Variants in PALM2AKAP2 observed in about 807,000 individuals in gnomAD.
The protein encoded by PALM2AKAP2 is PALM2-AKAP2 fusion protein.
Under a neutral mutation model 71.5 loss-of-function variants are expected in PALM2AKAP2, and 37 were observed. That is an observed-to-expected ratio of 0.52 (90% CI 0.40 to 0.68). PALM2AKAP2 has a LOEUF of 0.68. Ranked by LOEUF, PALM2AKAP2 falls within the 30% of genes least tolerant of loss-of-function variation. PALM2AKAP2 has a pLI of 0.00. For synonymous variants in PALM2AKAP2, 468 were observed against 478.8 expected, an observed-to-expected ratio of 0.98 and a Z score of 0.29; for missense variants, 1,224 against 1,191.8, an observed-to-expected ratio of 1.03 and a Z score of -0.40.
intron 1 of PALM2AKAP2, among the ~76,000 whole-genome samples, chr9:109,672,430 C>A (rs771970716): frequency 5.9e-5 from 9 of 152,158 alleles, no homozygotes; most frequent in African/African-American, 1.4e-4. Context: ...GTTGAACCAA[C>A]CTTGCATCCT....
At chr9:109,867,469 C>A (rs752983504) in intron 1 of PALM2AKAP2, 22 bp from the exon 2 acceptor site, 1 of 1,609,648 alleles carries the variant, frequency 6.2e-7, no homozygotes, top group East Asian at 2.2e-5. Context: ...ACTCTTACAG[C>A]CTCTGTCTCT....
At chr9:109,918,977 G>A (rs1475827355) in intron 3 of PALM2AKAP2, among the ~76,000 whole-genome samples, 1 of 152,140 alleles carries the variant, frequency 6.6e-6, no homozygotes, top group African/African-American at 2.4e-5. Flanking sequence ...ATAGCGCAGA[G>A]CCTTGAAACC....
At chr9:110,044,286 G>A (rs1163003086), upstream of PALM2AKAP2, among the ~76,000 whole-genome samples, 2 of 151,386 alleles carry the variant, frequency 1.3e-5, no homozygotes, top group Non-Finnish European at 2.9e-5. Context: ...TTTAGTGTGA[G>A]CGAGTCTTTT....
At position 110,006,324 on chromosome 9, in the gene PALM2AKAP2, C is replaced by CTCTTTCTTTCTTTCTTTCTTTCTTTCTT. The variant is rs201648047; in HGVS notation, c.497-9609_497-9582dup. Among the ~76,000 whole-genome samples, 71 of 102,214 alleles carry CTCTTTCTTTCTTTCTTTCTTTCTTTCTT rather than the reference C, an allele frequency of 6.9e-4. 2 individuals carry two copies. The highest frequency in any genetic ancestry group is 1.6e-3 in the East Asian group (6 of 3,642). The allele number at this position is 102,214 out of a possible 152,430, so 67.1% of individuals were successfully genotyped here. A position where few individuals can be genotyped will look rare whatever the true frequency, so the allele number is the denominator to read the frequency against. ...TTTCCCTCCCTTTCCTTCCTTCCTTCTCTTTCTTTCTTTCTTTCTTTCTTT... is the reference window on the plus strand; with the variant it reads ...TTTCCCTCCCTTTCCTTCCTTCCTTCTCTTTCTTTCTTTCTTTCTTTCTTTCTTTCTTTCTTTCTTTCTTTCTTTCTTT... On this transcript the variant is annotated intron_variant, in intron 6 of 9. Transcript: ENST00000302798.
At chr9:109,778,289 A>C (rs770520871), upstream of PALM2AKAP2, among the ~76,000 whole-genome samples, 1 of 152,194 alleles carries the variant, frequency 6.6e-6, no homozygotes, top group Non-Finnish European at 1.5e-5. Context: ...GTGTGATCTG[A>C]GTTTAAATCC....
At chr9:110,078,865 C>T (rs1343108170) in intron 1 of PALM2AKAP2, among the ~76,000 whole-genome samples, 1 of 152,178 alleles carries the variant, frequency 6.6e-6, no homozygotes, top group African/African-American at 2.4e-5. Flanking sequence ...TGGAAAATGG[C>T]AGTGGTGGCC....
rs184070581 is a variant in PALM2AKAP2 at position 110,114,199 on chromosome 9, T to C, written c.157-21928T>C. Among the ~76,000 whole-genome samples the C allele has an allele frequency of 7.4e-4, 112 of 152,242 alleles. 1 individual carries two copies. The highest frequency in any genetic ancestry group is 1.2e-3 in the Non-Finnish European group (83 of 68,044). On this transcript the variant is annotated intron_variant, in intron 1 of 3. Coordinates refer to ENST00000374525, the Ensembl canonical transcript of PALM2AKAP2. ...TTTGAGGGAGAATCCGTTCCATGCC[T>C]TTCTCCTAGCTTCTCGTGGTTGCTA... is the stretch of plus-strand genomic sequence containing the variant.
intron 7 of PALM2AKAP2, among the ~76,000 whole-genome samples, chr9:110,022,913 A>AT: frequency 6.6e-6 from 1 of 152,168 alleles, no homozygotes; most frequent in East Asian, 1.9e-4. Flanking sequence ...TGAACTCTTC[A>AT]TTTTTTATGG....
intron 3 of PALM2AKAP2, among the ~76,000 whole-genome samples, chr9:109,889,896 A>G (rs1339934843): frequency 6.6e-6 from 1 of 152,164 alleles, no homozygotes; most frequent in Non-Finnish European, 1.5e-5. Context: ...CAGCCCTCAG[A>G]ACAATTGCTG....
intron 1 of PALM2AKAP2, among the ~76,000 whole-genome samples, chr9:109,679,108 C>T (rs1283407084): frequency 6.6e-6 from 1 of 152,210 alleles, no homozygotes; most frequent in Non-Finnish European, 1.5e-5. Flanking sequence ...CATTAGCTTT[C>T]TGCTTATGCT....
intron 1 of PALM2AKAP2, among the ~76,000 whole-genome samples, chr9:109,682,387 A>G (rs1827749552): frequency 6.6e-6 from 1 of 152,216 alleles, no homozygotes; most frequent in South Asian, 2.1e-4. Flanking sequence ...ATACAGTTGC[A>G]TCTTCTACTG....
At chr9:110,019,784 T>C (rs1168942684) in intron 7 of PALM2AKAP2, among the ~76,000 whole-genome samples, 1 of 152,140 alleles carries the variant, frequency 6.6e-6, no homozygotes, top group Non-Finnish European at 1.5e-5. Flanking sequence ...CTGGGGACTC[T>C]AAAAGAAGGG....
At chr9:109,795,222 T>C (rs1007541904) in intron 1 of PALM2AKAP2, among the ~76,000 whole-genome samples, 25 of 152,202 alleles carry the variant, frequency 1.6e-4, no homozygotes, top group African/African-American at 6.0e-4. Flanking sequence ...TCTCCAGACA[T>C]TGCCAAATAT....
At chr9:109,689,496 G>A (rs974556739) in intron 1 of PALM2AKAP2, among the ~76,000 whole-genome samples, 8 of 152,008 alleles carry the variant, frequency 5.3e-5, no homozygotes, top group Non-Finnish European at 1.0e-4. Flanking sequence ...CACTGCTCCT[G>A]GCCAAAAACA....
At chr9:110,168,692 C>A in exon 4 of PALM2AKAP2, 1 of 658,178 alleles carries the variant, frequency 1.5e-6, no homozygotes, top group Non-Finnish European at 2.4e-6. Flanking sequence ...TCTGGACACC[C>A]AGGAATCAAA....
intron 6 of PALM2AKAP2, among the ~76,000 whole-genome samples, chr9:109,954,509 G>T (rs1199916429): frequency 7.3e-6 from 1 of 137,496 alleles, no homozygotes; most frequent in Non-Finnish European, 1.6e-5. Flanking sequence ...GGACTGTAGT[G>T]GGGTGGGGGG....
At chr9:109,927,058 G>T (rs1398575568) in intron 5 of PALM2AKAP2, among the ~76,000 whole-genome samples, 2 of 152,156 alleles carry the variant, frequency 1.3e-5, no homozygotes, top group East Asian at 1.9e-4. Flanking sequence ...GGATGCAAAA[G>T]TCTTAGGGAT....
chr9:109,780,050 G>A (rs556007578), upstream of PALM2AKAP2, among the ~76,000 whole-genome samples: 9 of 151,324 alleles, frequency 5.9e-5, no homozygotes, highest in Non-Finnish European at 1.2e-4. Flanking sequence ...CCCTCCGTCT[G>A]CGCCTTGGAG....
At chr9:109,643,652 C>T (rs1369959650) in intron 1 of PALM2AKAP2, among the ~76,000 whole-genome samples, 1 of 152,200 alleles carries the variant, frequency 6.6e-6, no homozygotes, top group Admixed American at 6.5e-5. Context: ...AATTAGCCTC[C>T]TTCTCCCTAA....
Sources: allele counts gnomAD v4.1 joint callset (sites outside exome capture counted in the v4.1 genomes callset), GRCh38; gene constraint gnomAD v4.1.1; transcripts MANE v1.5; gene names NCBI Gene and HGNC (gene_info 2026-07-23, HGNC 2026-07-21).